UNC80: variants seen among roughly 807,000 people sequenced by gnomAD.
UNC80 encodes the protein unc-80 subunit of NALCN channel complex.
UNC80 carries 164 observed loss-of-function variants against 384.6 expected under a neutral mutation model. The observed-to-expected ratio is 0.43, with a 90% CI of 0.38 to 0.49. UNC80 has a LOEUF of 0.49. Among genes scored for constraint, UNC80 ranks in the 20% least tolerant of loss-of-function variants. The pLI is 0.00. For synonymous variants in UNC80, 1,486 were observed against 1,527.8 expected (o/e 0.97, Z 0.64); for missense variants, 3,330 against 4,143.0 (o/e 0.80, Z 5.39).
chr2:209,813,526 C>A lies in UNC80; in HGVS notation c.939-54C>A, dbSNP rs1026096463. 7 of 1,517,550 alleles carry A rather than the reference C, an allele frequency of 4.6e-6. No individual in the cohort carries two copies. The African/African-American group carries it at 8.3e-5, about 18-fold the overall frequency. The allele number at this position is 1,517,550 out of a possible 1,614,324, so 94.0% of individuals were successfully genotyped here. A position where few individuals can be genotyped will look rare whatever the true frequency, so the allele number is the denominator to read the frequency against. On this transcript the variant is annotated intron_variant, in intron 7 of 64. Transcript: ENST00000673920. ...TAGAGCTATAAGCCATGCTGTGCTG[C>A]CCCTCTGAAAGCTTGATTGTCAGTA...
rs1288630358 is a variant in UNC80, at chr2:209,817,912, G to A, written c.1653G>A (p.Pro551=). The change falls in exon 11 of 65, where the codon CCG becomes CCA. Residue 551 remains proline, a synonymous_variant. Transcript: ENST00000673920. ...HSHHTLVSDL[P]DPSNSHGENT... ...ATCACACCCTGGTAAGCGACCTGCC[G>A]GACCCCTCCAACAGCCATGGAGAAA... is the stretch of plus-strand genomic sequence containing the variant. 9 of 1,551,474 alleles carry A rather than the reference G, an allele frequency of 5.8e-6. No individual in the cohort carries two copies. Among genetic ancestry groups the A allele is most frequent in the East Asian group, 2.4e-5 (1 of 40,920 alleles).
intron 29 of UNC80, among the ~76,000 whole-genome samples, chr2:209,908,754 A>C (rs538320221): frequency 6.6e-6 from 1 of 152,208 alleles, no homozygotes; most frequent in African/African-American, 2.4e-5. Flanking sequence ...CATTATTGTA[A>C]GGCCAAGACC....
intron 26 of UNC80, among the ~76,000 whole-genome samples, chr2:209,889,392 C>T (rs2086125450): frequency 6.6e-6 from 1 of 152,200 alleles, no homozygotes; most frequent in Non-Finnish European, 1.5e-5. Context: ...CTGTACATAT[C>T]ATTTCCATTA....
intron 35 of UNC80, among the ~76,000 whole-genome samples, chr2:209,924,932 C>T (rs1009155110): frequency 2.0e-5 from 3 of 151,986 alleles, no homozygotes; most frequent in African/African-American, 7.3e-5. Context: ...TTTTAGGGGG[C>T]TCCAAAACTG....
At chr2:209,826,841 T>C (rs2080561298) in intron 14 of UNC80, among the ~76,000 whole-genome samples, 1 of 152,174 alleles carries the variant, frequency 6.6e-6, no homozygotes, top group African/African-American at 2.4e-5. Flanking sequence ...AAAGTTGAGT[T>C]CCAGAAATCC....
intron 33 of UNC80, among the ~76,000 whole-genome samples, chr2:209,920,107 T>G (rs2124951018): frequency 6.6e-6 from 1 of 152,198 alleles, no homozygotes; most frequent in South Asian, 2.1e-4. Flanking sequence ...AGGTGGAGGT[T>G]GCAATGAGCT....
At chr2:209,907,342 A>G (rs2088364372) in intron 29 of UNC80, among the ~76,000 whole-genome samples, 1 of 151,998 alleles carries the variant, frequency 6.6e-6, no homozygotes. Flanking sequence ...ACTGCACATA[A>G]TCTAGTCCAA....
chr2:209,877,207 A>T (rs890165921), intron 23 of UNC80, among the ~76,000 whole-genome samples: 1 of 152,170 alleles, frequency 6.6e-6, no homozygotes, highest in Non-Finnish European at 1.5e-5. Flanking sequence ...AGATAGAGAT[A>T]GTGTTTTTTG....
intron 22 of UNC80, among the ~76,000 whole-genome samples, chr2:209,870,087 A>G (rs914462222): frequency 6.6e-6 from 1 of 152,176 alleles, no homozygotes; most frequent in Non-Finnish European, 1.5e-5. Flanking sequence ...TAGAGGCAAT[A>G]AAATGATCCT....
At chr2:209,897,175 G>A (rs1235950857) in intron 28 of UNC80, among the ~76,000 whole-genome samples, 2 of 151,980 alleles carry the variant, frequency 1.3e-5, no homozygotes, top group East Asian at 3.9e-4. Flanking sequence ...GTTTTTTTAA[G>A]GTAAACTTTT....
chr2:209,975,372 G>A (rs745812037), intron 56 of UNC80, among the ~76,000 whole-genome samples: 3 of 152,218 alleles, frequency 2.0e-5, no homozygotes, highest in African/African-American at 7.2e-5. Flanking sequence ...CCTGACACAC[G>A]GTTTGGGAAA....
chr2:209,934,985 G>A (rs2091147629), intron 39 of UNC80, among the ~76,000 whole-genome samples: 1 of 152,140 alleles, frequency 6.6e-6, no homozygotes, highest in African/African-American at 2.4e-5. Context: ...ACAAAGATTT[G>A]TAATTAATGA....
At chr2:209,842,760 A>G (rs986069665) in intron 21 of UNC80, among the ~76,000 whole-genome samples, 9 of 152,034 alleles carry the variant, frequency 5.9e-5, no homozygotes, top group Non-Finnish European at 4.4e-5. Context: ...TTATCCACCC[A>G]CCTATCTACT....
intron 13 of UNC80, 149 bp downstream of exon 13, chr2:209,820,828 C>T (rs1288423939): frequency 6.0e-6 from 5 of 826,626 alleles, no homozygotes; most frequent in Non-Finnish European, 7.4e-6. Context: ...ATTAGGTTCT[C>T]AGTAGGCATT....
chr2:209,801,342 G>A (rs1268825194), intron 7 of UNC80, among the ~76,000 whole-genome samples: 1 of 141,894 alleles, frequency 7.0e-6, no homozygotes, highest in African/African-American at 2.6e-5. Flanking sequence ...CTGGTTTAAA[G>A]TCTGTTTTGT....
intron 25 of UNC80, among the ~76,000 whole-genome samples, chr2:209,883,922 G>A (rs7608462): frequency 0.53 from 80,770 of 151,906 alleles, 21,986 homozygotes; most frequent in South Asian, 0.63. Context: ...AAATGGCACT[G>A]AACAGTAAAT....
rs1468496350 is a variant in UNC80, at chr2:209,839,198, A to G, written c.3042-24A>G. 12 of 1,548,392 alleles carry G rather than the reference A, an allele frequency of 7.7e-6. No homozygotes were observed. In the Admixed American group the frequency reaches 1.6e-4, roughly 20 times the overall value. The stretch of plus-strand genomic sequence containing the variant: ...TTTCTCAAGTGTTGTCAGAAGTTTA[A>G]CCCTATCCTCTGCTTGCCTACAGCG... On this transcript the variant is annotated intron_variant, in intron 18 of 64. Transcript: ENST00000673920. This position sits in a 1 kb window ranked among gnomAD's most constrained non-coding sequence, Gnocchi z 4.1.
In UNC80 at chr2:209,993,994, C is replaced by A. The variant is rs1183799011; in HGVS notation, c.9509-71C>A. ...AATCCCCAGGAGACACTGGTTAATA[C>A]CAACTATTAAGCATTGACGGTCCGT... On this transcript the variant is annotated intron_variant, in intron 63 of 64. Transcript: ENST00000673920. 12 of 1,337,842 alleles carry A rather than the reference C, an allele frequency of 9.0e-6. No individual in the cohort carries two copies. The South Asian group carries it at 1.8e-4, about 20-fold the overall frequency. The allele number at this position is 1,337,842 out of a possible 1,614,324, so 82.9% of individuals were successfully genotyped here.
intron 51 of UNC80, among the ~76,000 whole-genome samples, chr2:209,966,743 G>A (rs946490596): frequency 6.6e-6 from 1 of 152,194 alleles, no homozygotes; most frequent in Non-Finnish European, 1.5e-5. Context: ...ATGGAACCGA[G>A]TTGGGAAATC....
Sources: gnomAD v4.1 joint callset for allele counts (sites outside exome capture counted in the v4.1 genomes callset) on GRCh38, gnomAD v4.1.1 for gene constraint, Gnocchi (gnomAD v3.1) non-coding constraint, MANE v1.5 for transcripts, NCBI Gene and HGNC (gene_info 2026-07-23, HGNC 2026-07-21) for gene names.